MGAT4C: variants seen among roughly 807,000 people sequenced by gnomAD.
The protein encoded by MGAT4C is MGAT4 family member C.
In MGAT4C, 19 loss-of-function variants were observed where a neutral mutation model predicts 40.1. The observed-to-expected ratio is 0.47, with a 90% CI of 0.33 to 0.70. MGAT4C has a LOEUF of 0.70. MGAT4C is among the 30% of genes least tolerant of loss of function. MGAT4C has a pLI of 0.02. For synonymous variants in MGAT4C, 181 were observed against 187.1 expected, an observed-to-expected ratio of 0.97 and a Z score of 0.27; for missense variants, 491 against 563.2, an observed-to-expected ratio of 0.87 and a Z score of 1.30.
At chr12:86,038,587 G>C (rs1891479499) in intron 2 of MGAT4C, among the ~76,000 whole-genome samples, 1 of 140,218 alleles carries the variant, frequency 7.1e-6, no homozygotes, top group African/African-American at 2.7e-5. Flanking sequence ...CCATTTGCTT[G>C]GTAAATATTC....
chr12:86,067,404 G>A (rs1323882664), intron 1 of MGAT4C, among the ~76,000 whole-genome samples: 2 of 152,258 alleles, frequency 1.3e-5, no homozygotes, highest in South Asian at 4.1e-4. Context: ...CATTTTCTTT[G>A]CAGGGACATG....
intron 4 of MGAT4C, among the ~76,000 whole-genome samples, chr12:86,304,198 A>G (rs1953880246): frequency 6.6e-6 from 1 of 150,666 alleles, no homozygotes; most frequent in Non-Finnish European, 1.5e-5. Context: ...AAAAATAAAA[A>G]TTGTTTTCAG....
At chr12:86,718,630 G>A (rs1260212050) in intron 2 of MGAT4C, among the ~76,000 whole-genome samples, 1 of 152,082 alleles carries the variant, frequency 6.6e-6, no homozygotes, top group Non-Finnish European at 1.5e-5. Flanking sequence ...TGGTCTGCTA[G>A]GAACCAGGCT....
chr12:86,786,637 A>G (rs1189472045), intron 1 of MGAT4C, among the ~76,000 whole-genome samples: 1 of 152,046 alleles, frequency 6.6e-6, no homozygotes, highest in Non-Finnish European at 1.5e-5. Context: ...GTGTCAAGGA[A>G]AACTACAATG....
intron 1 of MGAT4C, among the ~76,000 whole-genome samples, chr12:86,167,356 G>A (rs902002587): frequency 1.3e-5 from 2 of 152,198 alleles, no homozygotes; most frequent in African/African-American, 2.4e-5. Flanking sequence ...AAGCACTGAT[G>A]TAGATGGTGG....
At chr12:86,114,699 C>T (rs548850965) in intron 1 of MGAT4C, among the ~76,000 whole-genome samples, 1 of 151,854 alleles carries the variant, frequency 6.6e-6, no homozygotes, top group South Asian at 2.1e-4. Context: ...CTGAGGTGCC[C>T]AAGGCAAAAT....
At chr12:86,447,282 C>T (rs749156300) in intron 2 of MGAT4C, among the ~76,000 whole-genome samples, 1 of 152,138 alleles carries the variant, frequency 6.6e-6, no homozygotes, top group African/African-American at 2.4e-5. Flanking sequence ...TGTGCCACCA[C>T]TCCTGGCTAA....
intron 1 of MGAT4C, among the ~76,000 whole-genome samples, chr12:86,051,441 G>A (rs1157674121): frequency 6.6e-6 from 1 of 151,786 alleles, no homozygotes; most frequent in Non-Finnish European, 1.5e-5. Flanking sequence ...GATTTATGAA[G>A]TTTATATTTG....
chr12:86,436,449 C>T (rs963840424), intron 2 of MGAT4C, among the ~76,000 whole-genome samples: 2 of 151,534 alleles, frequency 1.3e-5, no homozygotes, highest in African/African-American at 4.8e-5. Context: ...GACCTACATA[C>T]TGTTTTTTTA....
intron 2 of MGAT4C, among the ~76,000 whole-genome samples, chr12:86,526,401 G>T (rs142119227): frequency 2.6e-5 from 4 of 152,268 alleles, no homozygotes; most frequent in African/African-American, 7.2e-5. Flanking sequence ...CACACAAAGT[G>T]ATATGGAGGG....
In MGAT4C at chr12:86,671,709, G is replaced by A. The variant is rs142870945; in HGVS notation, c.-229+55500C>T. ...AAAACTGTAAGAAGAGAGAAAGGAG[G>A]TCATTATAAAATTATTAAGTGGAGA... On this transcript the variant is annotated intron_variant, in intron 2 of 7. Transcript: ENST00000548651. Among the ~76,000 whole-genome samples, 553 of 152,164 alleles carry A rather than the reference G, an allele frequency of 3.6e-3. 2 individuals are homozygous for A. Among genetic ancestry groups the A allele is most frequent in the African/African-American group, 0.012 (496 of 41,528 alleles).
At chr12:86,765,740 C>A (rs1340774315) in intron 1 of MGAT4C, among the ~76,000 whole-genome samples, 5 of 152,100 alleles carry the variant, frequency 3.3e-5, no homozygotes, top group Admixed American at 6.5e-5. Context: ...GAATATTCAA[C>A]CCAGAATTTC....
At chr12:86,734,074 A>G (rs2136122988) in intron 1 of MGAT4C, among the ~76,000 whole-genome samples, 1 of 152,200 alleles carries the variant, frequency 6.6e-6, no homozygotes. Flanking sequence ...ACAAGTTATT[A>G]ATTGGTGACA....
intron 1 of MGAT4C, among the ~76,000 whole-genome samples, chr12:86,175,720 G>A (rs989239611): frequency 2.7e-5 from 4 of 150,936 alleles, no homozygotes; most frequent in Non-Finnish European, 5.9e-5. Flanking sequence ...GGGAGGCCGA[G>A]GCGGGCGGAT....
chr12:86,640,601 C>CTTCA (rs1963352138), intron 2 of MGAT4C, among the ~76,000 whole-genome samples: 2 of 151,912 alleles, frequency 1.3e-5, no homozygotes, highest in Non-Finnish European at 2.9e-5. Flanking sequence ...TCTCTATTTC[C>CTTCA]TTCAGTTCTA....
rs188179862 is a variant in MGAT4C at position 86,399,367 on chromosome 12, C to T, written c.-120+35790G>A. 4.2e-3 allele frequency among the ~76,000 whole-genome samples: 636 copies of T among 151,842 alleles called. 2 individuals carry two copies. The highest frequency in any genetic ancestry group is 6.2e-3 in the Non-Finnish European group (420 of 67,944). ...CGCAATCTCGGCTCACAGCAACCTC[C>T]GCCTCCTGGGTTCATGCCATTCTCC... On this transcript the variant is annotated intron_variant, in intron 3 of 7. Transcript: ENST00000548651.
chr12:86,624,661 G>C (rs776420515), intron 2 of MGAT4C, among the ~76,000 whole-genome samples: 4 of 152,076 alleles, frequency 2.6e-5, no homozygotes, highest in Non-Finnish European at 5.9e-5. Flanking sequence ...GAGGAAGAAG[G>C]GGAAGGGAGG....
At chr12:86,834,029 G>C (rs539679167) in intron 1 of MGAT4C, among the ~76,000 whole-genome samples, 1 of 151,718 alleles carries the variant, frequency 6.6e-6, no homozygotes, top group Non-Finnish European at 1.5e-5. Context: ...ATGCTGAATA[G>C]TATTTCATTG....
Position 86,431,435 on chromosome 12 carries a change from T to C in MGAT4C, c.-120+3722A>G, listed in dbSNP as rs911526308. On this transcript the variant is annotated intron_variant, in intron 3 of 7. Coordinates refer to the MGAT4C transcript ENST00000548651. Reference sequence around the variant, plus strand: ...AAACATGGTAAAACCTAATCAAATATTTTCCAGGAGAGAGGGTGTTTTCAT... The same window carrying C: ...AAACATGGTAAAACCTAATCAAATACTTTCCAGGAGAGAGGGTGTTTTCAT... Among the ~76,000 whole-genome samples the C allele has an allele frequency of 5.3e-4, 81 of 152,146 alleles. 2 individuals carry two copies. Among genetic ancestry groups the C allele is most frequent in the African/African-American group, 1.8e-3 (74 of 41,440 alleles).
Sources: allele counts gnomAD v4.1 joint callset (sites outside exome capture counted in the v4.1 genomes callset), GRCh38; gene constraint gnomAD v4.1.1; transcripts MANE v1.5; gene names NCBI Gene and HGNC (gene_info 2026-07-23, HGNC 2026-07-21).